Variants in CHMP4B observed in about 807,000 individuals in gnomAD.
CHMP4B encodes charged multivesicular body protein 4B.
Under a neutral mutation model 25.1 loss-of-function variants are expected in CHMP4B, and 1 was observed. That is an observed-to-expected ratio of 0.04 (90% CI 0.01 to 0.19). CHMP4B has a LOEUF of 0.19. Ranked by LOEUF, CHMP4B falls within the 10% of genes least tolerant of loss-of-function variation. CHMP4B has a pLI of 1.00. For synonymous variants in CHMP4B, 101 were observed against 115.6 expected, an observed-to-expected ratio of 0.87 and a Z score of 0.81; for missense variants, 151 against 289.7, an observed-to-expected ratio of 0.52 and a Z score of 3.48.
At chr20:33,824,493 G>A (rs1345136453) in intron 1 of CHMP4B, among the ~76,000 whole-genome samples, 2 of 152,218 alleles carry the variant, frequency 1.3e-5, no homozygotes, top group African/African-American at 2.4e-5. Flanking sequence ...CTAGTGCCAA[G>A]GAGACGACCA....
In CHMP4B at chr20:33,840,257, A is replaced by C. The variant is rs368135924; in HGVS notation, c.191-8210A>C. 5.4e-5 allele frequency among the ~76,000 whole-genome samples: 8 copies of C among 148,854 alleles called. 1 individual carries two copies. In the South Asian group the frequency reaches 8.6e-4, roughly 16 times the overall value. On this transcript the variant is annotated intron_variant, in intron 1 of 4. Coordinates refer to ENST00000217402, the MANE Select transcript of CHMP4B (RefSeq NM_176812.5). ...TAAGACTCCATCTCAAAAAAAAAAAAGGGGGGGGACAGGACAGGGACAAGA... is the reference window on the plus strand; with the variant it reads ...TAAGACTCCATCTCAAAAAAAAAAACGGGGGGGGACAGGACAGGGACAAGA...
chr20:33,853,463 T>A (rs1467278497), intron 4 of CHMP4B, 33 bp from the exon 5 acceptor site: 21 of 1,603,964 alleles, frequency 1.3e-5, no homozygotes, highest in Non-Finnish European at 1.8e-5. Context: ...AACGCACCAG[T>A]CATCCTAAAT....
intron 4 of CHMP4B, 121 bp from the exon 5 acceptor site, chr20:33,853,375 G>T: frequency 1.2e-6 from 1 of 858,438 alleles, no homozygotes; most frequent in Non-Finnish European, 2.0e-6. Context: ...GCCTGGAGAG[G>T]AGTCTGGCCA....
intron 1 of CHMP4B, among the ~76,000 whole-genome samples, 195 bp from the exon 2 acceptor site, chr20:33,848,272 C>A (rs1436300408): frequency 6.6e-6 from 1 of 152,054 alleles, no homozygotes. Flanking sequence ...TGTTTACTGG[C>A]CGTGTTTTGA....
chr20:33,835,182 A>C (rs1276172385), intron 1 of CHMP4B, among the ~76,000 whole-genome samples: 1 of 152,234 alleles, frequency 6.6e-6, no homozygotes, highest in African/African-American at 2.4e-5. Flanking sequence ...TCTTGCTAGC[A>C]TCGTTTTCTA....
chr20:33,814,445 G>A (rs534829730), intron 1 of CHMP4B, among the ~76,000 whole-genome samples: 4 of 152,232 alleles, frequency 2.6e-5, no homozygotes, highest in African/African-American at 9.6e-5. Flanking sequence ...CAGAGGAGGC[G>A]GCACCTGTTT....
chr20:33,827,900 G>T (rs747211112), intron 1 of CHMP4B, among the ~76,000 whole-genome samples: 1 of 152,206 alleles, frequency 6.6e-6, no homozygotes, highest in Non-Finnish European at 1.5e-5. Flanking sequence ...GGCCTGACTT[G>T]AGTCATTTTA....
At chr20:33,811,799 C>A (rs1978626225) in intron 1 of CHMP4B, 141 bp downstream of exon 1, 2 of 849,650 alleles carry the variant, frequency 2.4e-6, no homozygotes, top group East Asian at 2.7e-5. Context: ...GGGTCTGGGA[C>A]CCCCTCCCCG....
At chr20:33,852,762 C>T (rs1444719570) in intron 4 of CHMP4B, among the ~76,000 whole-genome samples, 2 of 152,194 alleles carry the variant, frequency 1.3e-5, no homozygotes, top group South Asian at 2.1e-4. Flanking sequence ...TCCTGTGCTG[C>T]GCACCCTGCA....
At chr20:33,840,968 C>T (rs149433245) in intron 1 of CHMP4B, among the ~76,000 whole-genome samples, 8 of 152,282 alleles carry the variant, frequency 5.3e-5, no homozygotes, top group African/African-American at 1.7e-4. Context: ...CCTAAATGAC[C>T]GTTGTAACTT....
chr20:33,825,994 G>C (rs1337320963), intron 1 of CHMP4B, among the ~76,000 whole-genome samples: 1 of 152,202 alleles, frequency 6.6e-6, no homozygotes, highest in East Asian at 1.9e-4. Context: ...CACCCAGTTT[G>C]GCAAATATTT....
intron 1 of CHMP4B, among the ~76,000 whole-genome samples, chr20:33,830,024 CAG>C (rs1479459682): frequency 6.6e-6 from 1 of 152,224 alleles, no homozygotes; most frequent in African/African-American, 2.4e-5. Flanking sequence ...AATGAGGAAA[CAG>C]ACTTTGATTT....
intron 1 of CHMP4B, among the ~76,000 whole-genome samples, chr20:33,842,956 TG>T (rs773948409): frequency 3.9e-4 from 59 of 152,346 alleles, no homozygotes; most frequent in South Asian, 1.2e-3. Context: ...CAGGCAGACT[TG>T]CCGTCCTCAG....
chr20:33,811,458 G>A lies in CHMP4B; in HGVS notation c.-11G>A, dbSNP rs1205862038. On this transcript the variant is annotated 5_prime_UTR_variant, in exon 1 of 5. Transcript: ENST00000217402. ...AGCGGGCGGCGAAGGCCGGCGCGGC[G>A]AGCAGCAACCATGTCGGTGTTCGGG... is the stretch of plus-strand genomic sequence containing the variant. The A allele has an allele frequency of 1.3e-6, 2 of 1,516,234 alleles. No homozygotes were observed. The highest frequency in any genetic ancestry group is 2.4e-5 in the East Asian group (1 of 40,954). 93.9% of individuals were successfully genotyped at this position (1,516,234 alleles called of 1,614,324 possible).
At chr20:33,850,345 G>T (rs1979812330) in intron 2 of CHMP4B, among the ~76,000 whole-genome samples, 1 of 152,190 alleles carries the variant, frequency 6.6e-6, no homozygotes, top group African/African-American at 2.4e-5. Flanking sequence ...AACCATATAT[G>T]CCTCATTTCT....
chr20:33,849,681 G>C (rs1979792343), intron 2 of CHMP4B, among the ~76,000 whole-genome samples: 1 of 152,180 alleles, frequency 6.6e-6, no homozygotes, highest in South Asian at 2.1e-4. Context: ...GGGGTGCTAG[G>C]TGCCTTTTTT....
chr20:33,814,085 C>T, intron 1 of CHMP4B, among the ~76,000 whole-genome samples: 1 of 152,212 alleles, frequency 6.6e-6, no homozygotes, highest in East Asian at 1.9e-4. Flanking sequence ...GGAGAGCTCG[C>T]CAGCCAACTG....
chr20:33,849,397 G>A (rs1160012004), intron 2 of CHMP4B, among the ~76,000 whole-genome samples: 1 of 152,260 alleles, frequency 6.6e-6, no homozygotes, highest in Non-Finnish European at 1.5e-5. Flanking sequence ...TCAGGAGTTC[G>A]AGACCAGCCT....
intron 1 of CHMP4B, among the ~76,000 whole-genome samples, chr20:33,845,812 A>C (rs6120388): frequency 0.018 from 2,778 of 152,306 alleles, 93 homozygotes; most frequent in African/African-American, 0.064. Context: ...AGGAAGTCAC[A>C]GGAAGCAGGC....
Sources: gnomAD v4.1 joint callset for allele counts (sites outside exome capture counted in the v4.1 genomes callset) on GRCh38, gnomAD v4.1.1 for gene constraint, MANE v1.5 for transcripts, NCBI Gene and HGNC (gene_info 2026-07-23, HGNC 2026-07-21) for gene names.